ABCA13: variants seen among roughly 807,000 people sequenced by gnomAD.
ABCA13 encodes ATP-binding cassette sub-family A member 13.
ABCA13 carries 476 observed loss-of-function variants against 478.7 expected under a neutral mutation model. The observed-to-expected ratio is 0.99, with a 90% CI of 0.92 to 1.07. The LOEUF (loss-of-function observed/expected upper bound fraction) is 1.07. ABCA13 is among the 50% of genes least tolerant of loss of function. ABCA13 has a pLI of 0.00. For missense variants in ABCA13, 6,060 were observed against 5,910.6 expected, an observed-to-expected ratio of 1.03 and a Z score of -0.83; for synonymous variants, 2,252 against 2,158.9, an observed-to-expected ratio of 1.04 and a Z score of -1.20.
intron 55 of ABCA13, among the ~76,000 whole-genome samples, chr7:48,534,678 C>T (rs575501195): frequency 1.2e-4 from 19 of 152,264 alleles, no homozygotes; most frequent in Non-Finnish European, 2.4e-4. Flanking sequence ...TAATCCCAAA[C>T]TTCTTGGAGG....
intron 35 of ABCA13, among the ~76,000 whole-genome samples, chr7:48,386,121 A>G (rs918241764): frequency 8.5e-5 from 13 of 152,220 alleles, no homozygotes; most frequent in African/African-American, 3.1e-4. Flanking sequence ...GAGTTAAATC[A>G]GTAACAAACT....
At chr7:48,420,047 T>A (rs1433513) in intron 41 of ABCA13, among the ~76,000 whole-genome samples, 57,916 of 152,008 alleles carry the variant, frequency 0.38, 11,686 homozygotes, top group African/African-American at 0.51. Flanking sequence ...GCATTGACTT[T>A]CCTTTCTTAT....
Position 48,272,680 on chromosome 7 carries a change from A to C in ABCA13, c.3014A>C (p.Gln1005Pro). The C allele has an allele frequency of 6.2e-7, 1 of 1,612,710 alleles. No homozygotes were observed. The highest frequency in any genetic ancestry group is 8.5e-7 in the Non-Finnish European group (1 of 1,179,176). ...ILDIIKQFNF[Q>P]NISKAFAFLF... ...GATATCATAAAACAATTTAATTTCC[A>C]AAACATCAGTAAAGCATTTGCATTT... Residue 1005 changes from glutamine (Q) to proline (P), a missense_variant, in exon 17 of 62, where the codon CAA becomes CCA. Physicochemically the swap from Gln to Pro is moderately conservative, Grantham distance 76. This residue lies in a region of ABCA13 where 4,423 missense variants were observed against 4,309.1 expected (regional missense o/e 1.03). Coordinates refer to ENST00000435803, the MANE Select transcript of ABCA13 (RefSeq NM_152701.5).
Position 48,507,993 on chromosome 7 carries a change from C to A in ABCA13, c.13468C>A (p.His4490Asn), listed in dbSNP as rs375914666. Reference sequence around the variant, plus strand: ...GGTGATTGGAGCCAAAAGGTTGCAGCACATAAGTGGCCTTGGCTACAGGAT... The same window carrying A: ...GGTGATTGGAGCCAAAAGGTTGCAGAACATAAGTGGCCTTGGCTACAGGAT... ...DRVIGAKRLQ[H>N]ISGLGYRMYW... The change falls in exon 50 of 62, where the codon CAC becomes AAC. Residue 4490 changes from histidine to asparagine, a missense_variant. By Grantham distance (68) the His-to-Asn change is moderately conservative (BLOSUM62 1). Transcript: ENST00000435803. 270 of 1,613,712 alleles carry A rather than the reference C, an allele frequency of 1.7e-4. No homozygotes were observed. Among genetic ancestry groups the A allele is most frequent in the Non-Finnish European group, 2.1e-4 (245 of 1,179,836 alleles).
At chr7:48,538,249 T>C (rs1833728407) in intron 55 of ABCA13, among the ~76,000 whole-genome samples, 3 of 151,740 alleles carry the variant, frequency 2.0e-5, no homozygotes, top group Admixed American at 2.0e-4. Flanking sequence ...TACAGGCGCA[T>C]GCCACTGCAC....
intron 42 of ABCA13, among the ~76,000 whole-genome samples, chr7:48,430,972 T>TTAC (rs1483468553): frequency 6.6e-6 from 1 of 152,180 alleles, no homozygotes; most frequent in African/African-American, 2.4e-5. Context: ...TTATAAACAT[T>TTAC]TACTGCTATA....
At chr7:48,499,835 CATT>C (rs1176342269) in intron 48 of ABCA13, among the ~76,000 whole-genome samples, 2 of 152,198 alleles carry the variant, frequency 1.3e-5, no homozygotes, top group Admixed American at 6.5e-5. Flanking sequence ...TTACCAACAT[CATT>C]GTCTCAAGAT....
intron 59 of ABCA13, among the ~76,000 whole-genome samples, chr7:48,628,053 G>T (rs79946821): frequency 7.2e-4 from 110 of 152,224 alleles, no homozygotes; most frequent in African/African-American, 2.6e-3. Context: ...GGGGGGACAC[G>T]CTCAAACCGT....
intron 42 of ABCA13, among the ~76,000 whole-genome samples, chr7:48,428,844 G>C (rs988684075): frequency 1.3e-5 from 2 of 152,138 alleles, no homozygotes; most frequent in Non-Finnish European, 1.5e-5. Context: ...GGACCATTCA[G>C]TGGCTTTTAG....
chr7:48,185,324 T>C (rs1173440247), intron 1 of ABCA13, among the ~76,000 whole-genome samples: 1 of 152,206 alleles, frequency 6.6e-6, no homozygotes. Context: ...ACAGAAAGCT[T>C]TGTTATATGA....
chr7:48,323,102 C>A (rs570220201), intron 27 of ABCA13, among the ~76,000 whole-genome samples: 1 of 152,098 alleles, frequency 6.6e-6, no homozygotes, highest in South Asian at 2.1e-4. Flanking sequence ...CACTAAAGGG[C>A]GTGTGGGTTT....
chr7:48,329,012 C>CA (rs1424364503), intron 27 of ABCA13, among the ~76,000 whole-genome samples: 13 of 152,044 alleles, frequency 8.6e-5, no homozygotes, highest in Non-Finnish European at 1.5e-4. Context: ...CACATGCAAA[C>CA]AAGGATATTT....
chr7:48,440,998 G>A (rs1388918749), intron 42 of ABCA13, among the ~76,000 whole-genome samples: 1 of 152,094 alleles, frequency 6.6e-6, no homozygotes, highest in Non-Finnish European at 1.5e-5. Flanking sequence ...GAACTGAAAT[G>A]TATATTATTT....
chr7:48,337,974 T>A (rs1022398399), intron 28 of ABCA13, among the ~76,000 whole-genome samples: 2 of 152,202 alleles, frequency 1.3e-5, no homozygotes, highest in Non-Finnish European at 2.9e-5. Context: ...AAATCCTCCT[T>A]CAGAGTTTTC....
chr7:48,438,759 C>T (rs1196632100), intron 42 of ABCA13, among the ~76,000 whole-genome samples: 2 of 151,930 alleles, frequency 1.3e-5, no homozygotes, highest in African/African-American at 4.8e-5. Context: ...CTGGAAGTTC[C>T]AGTAGAAACC....
At position 48,245,600 on chromosome 7, in the gene ABCA13, G is replaced by A. The variant is rs768852205; in HGVS notation, c.1479G>A (p.Trp493Ter). ...QLKLEKDVFFWELKQMLAKNA... is the reference protein window; with the variant it reads ...QLKLEKDVFF ...AACTGGAAAAGGATGTGTTCTTTTG[G>A]GAGCTGAAACAGGTAAAGCACAACA... Residue 493 changes from tryptophan to a stop codon, truncating the protein, a stop_gained, in exon 12 of 62, where the codon TGG becomes TGA. Transcript: ENST00000435803. LOFTEE classifies it high-confidence loss of function. The A allele has an allele frequency of 6.2e-7, 1 of 1,610,638 alleles. No individual in the cohort carries two copies. Among genetic ancestry groups the A allele is most frequent in the Non-Finnish European group, 8.5e-7 (1 of 1,178,886 alleles).
chr7:48,369,773 C>T (rs1812345042), intron 32 of ABCA13, among the ~76,000 whole-genome samples: 1 of 152,118 alleles, frequency 6.6e-6, no homozygotes, highest in Admixed American at 6.6e-5. Flanking sequence ...ATACCAGTAC[C>T]ATGCTATTTT....
chr7:48,423,347 G>A (rs1313410514), intron 41 of ABCA13, among the ~76,000 whole-genome samples: 1 of 152,198 alleles, frequency 6.6e-6, no homozygotes, highest in Non-Finnish European at 1.5e-5. Context: ...TCACTCAGCT[G>A]GGTTCCATTG....
At chr7:48,572,724 C>A (rs972351046) in intron 55 of ABCA13, among the ~76,000 whole-genome samples, 1 of 151,850 alleles carries the variant, frequency 6.6e-6, no homozygotes, top group African/African-American at 2.4e-5. Context: ...ACACATTTGC[C>A]AGGTTTAATT....
Sources: gnomAD v4.1 joint callset for allele counts (sites outside exome capture counted in the v4.1 genomes callset) on GRCh38, gnomAD v4.1.1 for gene constraint, gnomAD v4.1.1 regional missense constraint, MANE v1.5 for transcripts, NCBI Gene and HGNC (gene_info 2026-07-23, HGNC 2026-07-21) for gene names.